Variants in PVT1 observed in about 807,000 individuals in gnomAD.
PVT1 encodes CXCR4/PVT1 fusion.
chr8:127,849,060 A>G (rs1181864977), intron 2 of PVT1, among the ~76,000 whole-genome samples: 1 of 152,292 alleles, frequency 6.6e-6, no homozygotes, highest in South Asian at 2.1e-4. Flanking sequence ...TCTCTGTGCC[A>G]ACCCTGATTG....
At chr8:127,986,949 G>T (rs541004943) in intron 3 of PVT1, among the ~76,000 whole-genome samples, 8 of 152,274 alleles carry the variant, frequency 5.3e-5, no homozygotes, top group Non-Finnish European at 7.4e-5. Flanking sequence ...CCCTTACAAG[G>T]AGGAGGGGAC....
At chr8:127,897,453 A>C (rs1287089495) in intron 3 of PVT1, among the ~76,000 whole-genome samples, 1 of 151,952 alleles carries the variant, frequency 6.6e-6, no homozygotes, top group Non-Finnish European at 1.5e-5. Context: ...AGTTCCAAAA[A>C]TGAAGAAAGA....
intron 3 of PVT1, among the ~76,000 whole-genome samples, chr8:127,981,939 A>G (rs1816886967): frequency 1.3e-5 from 2 of 152,124 alleles, no homozygotes; most frequent in Admixed American, 6.5e-5. Context: ...CTCTGAGTCA[A>G]AATCCTTTTT....
chr8:127,813,557 T>A (rs1814625315), intron 2 of PVT1, among the ~76,000 whole-genome samples: 1 of 152,176 alleles, frequency 6.6e-6, no homozygotes, highest in Non-Finnish European at 1.5e-5. Flanking sequence ...TGTCCGCTTT[T>A]GTCTCCTCCC....
chr8:128,061,362 G>A lies in PVT1; in HGVS notation n.913-8798G>A, dbSNP rs955145164. Among the ~76,000 whole-genome samples the A allele has an allele frequency of 1.3e-5, 2 of 152,186 alleles. 1 individual carries two copies. The highest frequency in any genetic ancestry group is 4.1e-4 in the South Asian group (2 of 4,830). On this transcript the variant is annotated intron_variant and non_coding_transcript_variant, in intron 4 of 10. Coordinates refer to ENST00000651587, the Ensembl canonical transcript of PVT1. ...TTTTATGCCCAAAGTATATTCCATT[G>A]TGTGAATATATGCCCCATTTTATTT...
At chr8:127,808,966 G>T (rs1268268737) in intron 2 of PVT1, among the ~76,000 whole-genome samples, 1 of 142,736 alleles carries the variant, frequency 7.0e-6, no homozygotes, top group African/African-American at 2.7e-5. Flanking sequence ...GGAGGCGGAG[G>T]TTGCAGTGAG....
chr8:128,097,478 A>G (rs1358029788), intron 6 of PVT1, among the ~76,000 whole-genome samples: 2 of 152,176 alleles, frequency 1.3e-5, no homozygotes, highest in African/African-American at 4.8e-5. Flanking sequence ...GAAGAATACA[A>G]AAAGAATATT....
At chr8:128,098,696 T>C (rs2130179118) in intron 6 of PVT1, among the ~76,000 whole-genome samples, 1 of 152,336 alleles carries the variant, frequency 6.6e-6, no homozygotes, top group African/African-American at 2.4e-5. Context: ...GCACTCGGTG[T>C]GAAATTGTCT....
chr8:127,876,312 G>A (rs540824237), intron 2 of PVT1, among the ~76,000 whole-genome samples: 1 of 152,028 alleles, frequency 6.6e-6, no homozygotes, highest in Non-Finnish European at 1.5e-5. Flanking sequence ...GGTTTGCTAT[G>A]AATGCTGTAA....
intron 3 of PVT1, among the ~76,000 whole-genome samples, chr8:127,920,184 A>C (rs117005458): frequency 6.6e-6 from 1 of 152,212 alleles, no homozygotes; most frequent in Non-Finnish European, 1.5e-5. Flanking sequence ...ACCCACATCC[A>C]ATGATAATCA....
At chr8:127,839,953 A>G (rs1814954204) in intron 2 of PVT1, among the ~76,000 whole-genome samples, 2 of 152,122 alleles carry the variant, frequency 1.3e-5, no homozygotes, top group Admixed American at 1.3e-4. Flanking sequence ...TTGGCTAAAC[A>G]CAGTTGATGG....
At chr8:127,944,053 G>A (rs928019944) in intron 3 of PVT1, among the ~76,000 whole-genome samples, 1 of 152,144 alleles carries the variant, frequency 6.6e-6, no homozygotes, top group African/African-American at 2.4e-5. Context: ...GTAACAAAAA[G>A]CCTCTTAAGG....
intron 2 of PVT1, among the ~76,000 whole-genome samples, chr8:127,841,971 T>C (rs1814979939): frequency 7.4e-6 from 1 of 135,830 alleles, no homozygotes. Flanking sequence ...TGATCCACCC[T>C]CCTCGGCCTC....
chr8:127,962,414 A>G (rs1030581086), intron 3 of PVT1, among the ~76,000 whole-genome samples: 2 of 152,134 alleles, frequency 1.3e-5, no homozygotes, highest in Non-Finnish European at 2.9e-5. Context: ...TTAAGCCAGC[A>G]CCTTGAGTTG....
intron 2 of PVT1, among the ~76,000 whole-genome samples, chr8:127,834,847 A>G (rs1197656071): frequency 2.0e-5 from 3 of 152,166 alleles, no homozygotes; most frequent in Non-Finnish European, 2.9e-5. Context: ...AACAAAAAAC[A>G]ACTCATCATT....
At chr8:127,943,625 C>T (rs1051404902) in intron 3 of PVT1, among the ~76,000 whole-genome samples, 2 of 152,130 alleles carry the variant, frequency 1.3e-5, no homozygotes, top group Non-Finnish European at 2.9e-5. Flanking sequence ...CCAGTTGGGA[C>T]AACCTAAAGT....
intron 3 of PVT1, among the ~76,000 whole-genome samples, chr8:127,977,552 G>A (rs1834620): frequency 0.4 from 60,081 of 151,864 alleles, 12,443 homozygotes; most frequent in East Asian, 0.59. Context: ...GGCCAACATG[G>A]TGAAACCCCA....
chr8:127,798,341 C>T (rs553493279), intron 2 of PVT1, among the ~76,000 whole-genome samples: 112 of 151,906 alleles, frequency 7.4e-4, no homozygotes, highest in African/African-American at 2.6e-3. Flanking sequence ...TACCCCTTGG[C>T]CTTGAGCAGG....
intron 2 of PVT1, among the ~76,000 whole-genome samples, chr8:127,860,396 C>T (rs528130406): frequency 6.6e-6 from 1 of 152,140 alleles, no homozygotes; most frequent in Non-Finnish European, 1.5e-5. Context: ...AACTTTTTCT[C>T]GGAGCTTCGG....
Sources: allele counts gnomAD v4.1 joint callset (sites outside exome capture counted in the v4.1 genomes callset), GRCh38; gene constraint gnomAD v4.1.1; transcripts MANE v1.5; gene names NCBI Gene and HGNC (gene_info 2026-07-23, HGNC 2026-07-21).